The following TCAIM variants were observed in gnomAD, a reference collection of about 807,000 sequenced individuals.
The protein encoded by TCAIM is T cell activation inhibitor, mitochondrial, also known as T-cell activation inhibitor, mitochondrial.
TCAIM carries 36 observed loss-of-function variants against 58.6 expected under a neutral mutation model. The ratio of observed to expected loss-of-function variants is 0.61; its 90% CI spans 0.47 to 0.81. TCAIM has a LOEUF of 0.81. TCAIM is among the 30% of genes least tolerant of loss of function. The pLI, the probability that TCAIM is intolerant of heterozygous loss-of-function variation, is 0.00. For missense variants in TCAIM, 466 were observed against 579.6 expected, an observed-to-expected ratio of 0.80 and a Z score of 2.01; for synonymous variants, 172 against 193.6, an observed-to-expected ratio of 0.89 and a Z score of 0.93.
intron 5 of TCAIM, among the ~76,000 whole-genome samples, chr3:44,390,120 T>C (rs566054916): frequency 2.0e-4 from 30 of 152,226 alleles, no homozygotes; most frequent in Non-Finnish European, 4.0e-4. Flanking sequence ...TGTGTCTTCC[T>C]TTAAAACAGG....
At chr3:44,377,745 A>C (rs1341772594) in intron 5 of TCAIM, among the ~76,000 whole-genome samples, 1 of 152,222 alleles carries the variant, frequency 6.6e-6, no homozygotes, top group East Asian at 1.9e-4. Flanking sequence ...AAATTGTGGA[A>C]ATTAAAGCAC....
intron 5 of TCAIM, among the ~76,000 whole-genome samples, chr3:44,374,297 T>A (rs918529695): frequency 4.6e-5 from 7 of 151,676 alleles, no homozygotes; most frequent in African/African-American, 1.7e-4. Context: ...TTTTTTTTTT[T>A]TTTTATTTTA....
intron 5 of TCAIM, among the ~76,000 whole-genome samples, chr3:44,390,057 A>T (rs1014712072): frequency 1.3e-5 from 2 of 152,172 alleles, no homozygotes; most frequent in African/African-American, 2.4e-5. Context: ...TTCTTTTCTC[A>T]TAATAGTTCT....
Position 44,407,550 on chromosome 3 carries a change from T to A in TCAIM, c.1359T>A (p.Cys453Ter). 6.2e-7 allele frequency: 1 copy of A among 1,613,940 alleles called. No individual in the cohort carries two copies. Among genetic ancestry groups the A allele is most frequent in the Non-Finnish European group, 8.5e-7 (1 of 1,179,952 alleles). ...SISSIQMVDC[C>*]KRLLEQSLPY... ...CTAGTATACAAATGGTGGATTGTTG[T>A]AAGAGACTTCTAGAACAATCACTGC... The change falls in exon 11 of 11, where the codon TGT becomes TGA. Residue 453 changes from cysteine to a stop codon, truncating the protein, a stop_gained. Coordinates refer to ENST00000342649, the MANE Select transcript of TCAIM (RefSeq NM_173826.4). LOFTEE classifies it high-confidence loss of function.
At chr3:44,370,649 T>TACC (rs1701450071) in intron 5 of TCAIM, among the ~76,000 whole-genome samples, 1 of 151,812 alleles carries the variant, frequency 6.6e-6, no homozygotes, top group Admixed American at 6.6e-5. Flanking sequence ...GGCATAGCAT[T>TACC]ACAGTAGATA....
chr3:44,370,011 TCTG>T (rs776349347), intron 5 of TCAIM, among the ~76,000 whole-genome samples: 39 of 152,322 alleles, frequency 2.6e-4, no homozygotes, highest in Non-Finnish European at 5.0e-4. Flanking sequence ...ACTAAAAAAA[TCTG>T]CTATTTTTAG....
chr3:44,358,311 C>G, intron 3 of TCAIM: 1 of 857,632 alleles, frequency 1.2e-6, no homozygotes, highest in Non-Finnish European at 1.9e-6. Flanking sequence ...AATGTGTGCT[C>G]CAGGAATACA....
chr3:44,402,826 A>G (rs1407273282), intron 10 of TCAIM, among the ~76,000 whole-genome samples: 1 of 152,056 alleles, frequency 6.6e-6, no homozygotes, highest in Admixed American at 6.5e-5. Flanking sequence ...CCACATGTCC[A>G]TGGAGGGAAG....
chr3:44,398,872 A>G (rs1701980151), intron 8 of TCAIM, among the ~76,000 whole-genome samples: 2 of 152,230 alleles, frequency 1.3e-5, no homozygotes, highest in African/African-American at 4.8e-5. Flanking sequence ...ACATGCAGCA[A>G]CTGGATGGAT....
chr3:44,383,325 A>T (rs1246993435), intron 5 of TCAIM, among the ~76,000 whole-genome samples: 2 of 152,234 alleles, frequency 1.3e-5, no homozygotes, highest in African/African-American at 4.8e-5. Context: ...GGATGAATGG[A>T]TAAGCAAAAT....
At chr3:44,394,904 AAAAAAAAAAAAAAAAAAATATATATATAT>A (rs1701899326) in intron 6 of TCAIM, among the ~76,000 whole-genome samples, 1 of 47,452 alleles carries the variant, frequency 2.1e-5, no homozygotes. Flanking sequence ...AAAAAAAAAA[AAAAAAAAAAAAAAAAAAATATATATATAT>A]ATATATATAT....
chr3:44,374,456 A>G (rs1701533540), intron 5 of TCAIM, among the ~76,000 whole-genome samples: 1 of 152,174 alleles, frequency 6.6e-6, no homozygotes, highest in Non-Finnish European at 1.5e-5. Flanking sequence ...CCATCAGAGA[A>G]GTATAAAAAG....
intron 8 of TCAIM, among the ~76,000 whole-genome samples, 179 bp from the exon 9 acceptor site, chr3:44,400,176 G>A (rs902353969): frequency 6.6e-6 from 1 of 151,930 alleles, no homozygotes; most frequent in Non-Finnish European, 1.5e-5. Context: ...ACAGTGGCTT[G>A]TTTTGAATAT....
chr3:44,345,134 C>T (rs560996999), intron 1 of TCAIM, among the ~76,000 whole-genome samples: 2 of 152,106 alleles, frequency 1.3e-5, no homozygotes, highest in Admixed American at 1.3e-4. Flanking sequence ...TTTCTCAGGG[C>T]TGCTTCGAGC....
intron 5 of TCAIM, among the ~76,000 whole-genome samples, chr3:44,387,513 G>A (rs1186009120): frequency 6.6e-6 from 1 of 152,242 alleles, no homozygotes; most frequent in Non-Finnish European, 1.5e-5. Context: ...AGTTCCCACA[G>A]TGGTACACCT....
intron 8 of TCAIM, among the ~76,000 whole-genome samples, chr3:44,398,902 G>C (rs1410019778): frequency 6.6e-6 from 1 of 152,180 alleles, no homozygotes; most frequent in African/African-American, 2.4e-5. Flanking sequence ...ATTGTGCTGA[G>C]TGAAAAAGTC....
At chr3:44,352,010 C>T (rs977274324) in intron 1 of TCAIM, among the ~76,000 whole-genome samples, 8 of 150,164 alleles carry the variant, frequency 5.3e-5, no homozygotes, top group Admixed American at 4.7e-4. Context: ...TTGACCACTT[C>T]ACTAACATAT....
chr3:44,384,365 T>G (rs1701700995), intron 5 of TCAIM, among the ~76,000 whole-genome samples: 1 of 152,240 alleles, frequency 6.6e-6, no homozygotes, highest in African/African-American at 2.4e-5. Flanking sequence ...CTTTGCCTTA[T>G]GGTTTAATTT....
In TCAIM at chr3:44,400,449, T is replaced by C; in HGVS notation, c.980T>C (p.Val327Ala). 6.2e-7 allele frequency: 1 copy of C among 1,613,862 alleles called. No individual in the cohort carries two copies. Among genetic ancestry groups the C allele is most frequent in the Non-Finnish European group, 8.5e-7 (1 of 1,179,880 alleles). Residue 327 changes from valine (V) to alanine (A), a missense_variant, in exon 9 of 11, where the codon GTT (valine) becomes GCT (alanine). By Grantham distance (64) the Val-to-Ala change is moderately conservative. Coordinates refer to ENST00000342649, the MANE Select transcript of TCAIM (RefSeq NM_173826.4). The part of the protein sequence containing the change: ...ISYLLGGIQV[V>A]YIEELQPVLT... Reference sequence around the variant, plus strand: ...TATCTTTTAGGTGGCATACAAGTTGTTTATATTGAAGAATTACAGCCAGTA... The same window carrying C: ...TATCTTTTAGGTGGCATACAAGTTGCTTATATTGAAGAATTACAGCCAGTA...
Sources: gnomAD v4.1 joint callset for allele counts (sites outside exome capture counted in the v4.1 genomes callset) on GRCh38, gnomAD v4.1.1 for gene constraint, MANE v1.5 for transcripts, NCBI Gene and HGNC (gene_info 2026-07-23, HGNC 2026-07-21) for gene names.